Variants in DZIP3 observed in about 807,000 individuals in gnomAD.
DZIP3 encodes DAZ interacting zinc finger protein 3, also known as E3 ubiquitin-protein ligase DZIP3.
In DZIP3, 118 loss-of-function variants were observed where a neutral mutation model predicts 162.0. The ratio of observed to expected loss-of-function variants is 0.73; its 90% CI spans 0.63 to 0.85. The LOEUF (loss-of-function observed/expected upper bound fraction) is 0.85, where lower values mean the gene tolerates loss of function less well. Ranked by LOEUF, DZIP3 falls within the 40% of genes least tolerant of loss-of-function variation. The probability of loss-of-function intolerance (pLI) is 0.00; values close to 1 mark genes in which losing one functional copy is unlikely to be tolerated. For synonymous variants in DZIP3, 438 were observed against 458.6 expected (o/e 0.96, Z 0.57); for missense variants, 1,331 against 1,407.0 (o/e 0.95, Z 0.86).
In DZIP3 at chr3:108,644,618, A is replaced by C. The variant is rs1485335436; in HGVS notation, c.1596A>C (p.Lys532Asn). The C allele has an allele frequency of 2.5e-6, 4 of 1,613,938 alleles. No individual in the cohort carries two copies. The highest frequency in any genetic ancestry group is 1.7e-5 in the Admixed American group (1 of 59,988). ...TESQFNSIWK[K>N]VSDILLRLGM... ...CACAGTTCAATTCAATTTGGAAAAA[A>C]GTTTCAGATATTCTTCTGCGCCTTG... Residue 532 changes from lysine to asparagine, a missense_variant, in exon 14 of 33, where the codon AAA becomes AAC. Lys to Asn is a moderately conservative substitution (Grantham distance 94). Transcript: ENST00000361582.
At chr3:108,628,643 C>G (rs999001689) in intron 7 of DZIP3, among the ~76,000 whole-genome samples, 33 of 152,150 alleles carry the variant, frequency 2.2e-4, no homozygotes, top group Admixed American at 2.0e-3. Flanking sequence ...AAATTTGGGC[C>G]TTATTTTCAG....
chr3:108,661,830 T>A (rs776392180), intron 19 of DZIP3, 47 bp from the exon 20 acceptor site: 21 of 1,429,450 alleles, frequency 1.5e-5, no homozygotes, highest in Admixed American at 8.2e-5. Context: ...ATAACTAAAA[T>A]TTTTTTTTGA....
At chr3:108,602,047 C>A (rs551196454) in intron 1 of DZIP3, among the ~76,000 whole-genome samples, 1 of 152,072 alleles carries the variant, frequency 6.6e-6, no homozygotes, top group African/African-American at 2.4e-5. Flanking sequence ...TCTTTCCAGG[C>A]GGCCAGCAGT....
intron 21 of DZIP3, 118 bp from the exon 22 acceptor site, chr3:108,669,563 A>C: frequency 2.5e-6 from 2 of 805,630 alleles, no homozygotes; most frequent in Non-Finnish European, 3.9e-6. Context: ...CAGGCTCAAG[A>C]TTTGTGGCCC....
chr3:108,593,822 G>A (rs1236866490), intron 1 of DZIP3, among the ~76,000 whole-genome samples: 1 of 151,692 alleles, frequency 6.6e-6, no homozygotes, highest in Non-Finnish European at 1.5e-5. Flanking sequence ...GCCCCGCTAT[G>A]CCAGGATAAT....
chr3:108,649,855 ATAACAT>A lies in DZIP3; in HGVS notation c.2007+895_2007+900del, dbSNP rs560331175. On this transcript the variant is annotated intron_variant, in intron 17 of 32. Transcript: ENST00000361582. ...TTGTTATATTTAACAATCATTTGTT[ATAACAT>A]TTTACTTAAAAGTTATGAAAGTTAA... Among the ~76,000 whole-genome samples, 49 of 152,012 alleles carry A rather than the reference ATAACAT, an allele frequency of 3.2e-4. No individual in the cohort carries two copies. In the South Asian group the frequency reaches 6.4e-3, roughly 20 times the overall value.
chr3:108,648,415 A>C (rs568895714), intron 16 of DZIP3: 96 of 211,278 alleles, frequency 4.5e-4, no homozygotes, highest in African/African-American at 2.0e-3. Flanking sequence ...AGAAAGTAGA[A>C]GAAAGTATAG....
At position 108,636,619 on chromosome 3, in the gene DZIP3, T is replaced by C. The variant is rs749082556; in HGVS notation, c.922T>C (p.Phe308Leu). 1.6e-5 allele frequency: 25 copies of C among 1,550,206 alleles called. No homozygotes were observed. The Admixed American group carries it at 5.0e-4, about 31-fold the overall frequency. Residue 308 changes from phenylalanine to leucine, a missense_variant, in exon 11 of 33, where the codon TTT becomes CTT. This residue lies in a region of DZIP3 where 1,278 missense variants were observed against 1,317.1 expected (regional missense o/e 0.97). Coordinates refer to ENST00000361582, the MANE Select transcript of DZIP3 (RefSeq NM_014648.4). Reference sequence around the variant, plus strand: ...TTTTTTCTATTAATAAATTTAGAGTTTTAGTGGGAAAAAATGTTTGAAGGA... The same window carrying C: ...TTTTTTCTATTAATAAATTTAGAGTCTTAGTGGGAAAAAATGTTTGAAGGA... Reference protein sequence around the residue: ...LKYPGENDQSFSGKKCLKEGC... With the variant: ...LKYPGENDQSLSGKKCLKEGC...
intron 2 of DZIP3, among the ~76,000 whole-genome samples, chr3:108,607,490 G>A (rs1468308508): frequency 6.6e-6 from 1 of 152,080 alleles, no homozygotes; most frequent in Non-Finnish European, 1.5e-5. Flanking sequence ...GGTTCTGTAT[G>A]CAGGCAAAAG....
chr3:108,689,246 A>C (rs974972037), intron 31 of DZIP3, among the ~76,000 whole-genome samples: 2 of 152,212 alleles, frequency 1.3e-5, no homozygotes, highest in African/African-American at 4.8e-5. Context: ...TAGCAACAGC[A>C]CCACTTGAAA....
chr3:108,683,273 G>A (rs555917566), intron 26 of DZIP3, among the ~76,000 whole-genome samples: 107 of 150,448 alleles, frequency 7.1e-4, no homozygotes, highest in Non-Finnish European at 9.6e-4. Context: ...TAGAATTTTT[G>A]TTTCCCAGTT....
intron 28 of DZIP3, 139 bp downstream of exon 28, chr3:108,686,723 A>T (rs888115432): frequency 1.8e-5 from 19 of 1,050,894 alleles, no homozygotes; most frequent in Non-Finnish European, 2.4e-5. Context: ...GACCTTGGTA[A>T]GGAAAAAGAA....
chr3:108,616,731 A>G, intron 5 of DZIP3, 74 bp downstream of exon 5: 3 of 1,065,302 alleles, frequency 2.8e-6, no homozygotes, highest in Non-Finnish European at 1.4e-6. Context: ...CAGCCAATGC[A>G]TGCTTATTTT....
intron 1 of DZIP3, among the ~76,000 whole-genome samples, chr3:108,598,710 T>G (rs1939836025): frequency 6.6e-6 from 1 of 152,208 alleles, no homozygotes; most frequent in Admixed American, 6.5e-5. Flanking sequence ...CTCAGGATTC[T>G]CCCTTCTTTT....
chr3:108,661,851 A>G, intron 19 of DZIP3, 26 bp from the exon 20 acceptor site: 1 of 1,573,432 alleles, frequency 6.4e-7, no homozygotes, highest in Non-Finnish European at 8.7e-7. Context: ...GGAAAATAAT[A>G]CATGCATATT....
chr3:108,625,867 A>T lies in DZIP3; in HGVS notation c.479A>T (p.Lys160Ile). 1 of 1,612,812 alleles carries T rather than the reference A, an allele frequency of 6.2e-7. No individual in the cohort carries two copies. The part of the protein sequence containing the change: ...KKEDYTEAEN[K>I]FLVMKMMIQE... ...CAGGATTATACAGAAGCTGAGAATA[A>T]ATTTCTGGTGATGAAGATGATGATC... is the stretch of plus-strand genomic sequence containing the variant. The change falls in exon 7 of 33, where the codon AAA (lysine) becomes ATA (isoleucine). Residue 160 changes from lysine (K) to isoleucine (I), a missense_variant. Physicochemically the swap from Lys to Ile is moderately radical, Grantham distance 102. Around this residue, in one of 2 missense-constraint regions of DZIP3, gnomAD observed 1,278 missense variants for 1,317.1 expected, o/e 0.97. Transcript: ENST00000361582.
chr3:108,684,151 CTAAA>C, intron 26 of DZIP3, 61 bp from the exon 27 acceptor site: 2 of 1,522,980 alleles, frequency 1.3e-6, no homozygotes, highest in Non-Finnish European at 1.8e-6. Context: ...AGATGATTGC[CTAAA>C]TAAATATATA....
chr3:108,616,379 T>C (rs1038749988), intron 4 of DZIP3, among the ~76,000 whole-genome samples, 162 bp from the exon 5 acceptor site: 3 of 151,096 alleles, frequency 2.0e-5, no homozygotes, highest in Admixed American at 6.6e-5. Flanking sequence ...AGCAAACATA[T>C]GAGAACAGTG....
intron 5 of DZIP3, 142 bp from the exon 6 acceptor site, chr3:108,624,302 T>C (rs1039951175): frequency 2.2e-4 from 77 of 347,274 alleles, no homozygotes; most frequent in Middle Eastern, 7.4e-4. Flanking sequence ...ACATTATCGT[T>C]ATTATTAGAT....
Sources: allele counts gnomAD v4.1 joint callset (sites outside exome capture counted in the v4.1 genomes callset), GRCh38; gene constraint gnomAD v4.1.1; regional missense constraint gnomAD v4.1.1; transcripts MANE v1.5; gene names NCBI Gene and HGNC (gene_info 2026-07-23, HGNC 2026-07-21).